AFDN: variants seen among roughly 807,000 people sequenced by gnomAD.
The protein encoded by AFDN is afadin, adherens junction formation factor, also known as afadin.
A neutral mutation model predicts 216.6 loss-of-function variants in AFDN; 68 were observed. The observed-to-expected ratio is 0.31, with a 90% CI of 0.26 to 0.38. The LOEUF is 0.38. Ranked by LOEUF, AFDN falls within the 10% of genes least tolerant of loss-of-function variation. The probability of loss-of-function intolerance (pLI) is 1.00; values close to 1 mark genes in which losing one functional copy is unlikely to be tolerated. For missense variants in AFDN, 2,136 were observed against 2,342.0 expected (o/e 0.91, Z 1.82); for synonymous variants, 868 against 853.7 (o/e 1.02, Z -0.29).
chr6:167,962,324 CTGTG>C lies in AFDN; in HGVS notation c.4834-99_4834-96del, dbSNP rs898938916. The C allele has an allele frequency of 1.3e-5, 18 of 1,350,764 alleles. No homozygotes were observed. Among genetic ancestry groups the C allele is most frequent in the South Asian group, 3.5e-5 (2 of 56,504 alleles). 83.7% of individuals were successfully genotyped at this position (1,350,764 alleles called of 1,614,324 possible). ...AACCTGGTATTTTATATTTAACTTT[CTGTG>C]TGTGTGTGTTTGTGTATATGTGTGT... is the stretch of plus-strand genomic sequence containing the variant. On this transcript the variant is annotated intron_variant, in intron 30 of 33. Coordinates refer to ENST00000683244, the MANE Select transcript of AFDN (RefSeq NM_001386888.1). This position sits in a 1 kb window ranked among gnomAD's most constrained non-coding sequence, Gnocchi z 5.2.
intron 19 of AFDN, among the ~76,000 whole-genome samples, chr6:167,916,518 C>T (rs1197548464): frequency 6.6e-6 from 1 of 152,068 alleles, no homozygotes; most frequent in African/African-American, 2.4e-5. Context: ...AATTAACCCT[C>T]AAGAATACAA....
intron 30 of AFDN, among the ~76,000 whole-genome samples, chr6:167,955,812 C>T (rs2128713692): frequency 6.6e-6 from 1 of 152,168 alleles, no homozygotes; most frequent in East Asian, 1.9e-4. Context: ...ATTAACAGCA[C>T]CTCATTATTT....
chr6:167,876,064 T>A (rs545248053), intron 5 of AFDN, among the ~76,000 whole-genome samples: 2 of 152,164 alleles, frequency 1.3e-5, no homozygotes, highest in African/African-American at 4.8e-5. Flanking sequence ...TGAGATGGGA[T>A]CTAAATGAGA....
chr6:167,943,834 A>G (rs1794970584), intron 25 of AFDN, 107 bp from the exon 26 acceptor site: 2 of 945,014 alleles, frequency 2.1e-6, no homozygotes, highest in Non-Finnish European at 3.3e-6. Context: ...TCAAAATAAT[A>G]GATGAAGCTG....
intron 12 of AFDN, among the ~76,000 whole-genome samples, chr6:167,906,130 G>A (rs755648394): frequency 6.6e-6 from 1 of 152,072 alleles, no homozygotes; most frequent in African/African-American, 2.4e-5. Flanking sequence ...AACTCTTATG[G>A]AAGGATTCAT....
rs1562723588 is a variant in AFDN, at chr6:167,946,904, A to AAG, written c.3553+6_3553+7dup. The AAG allele has an allele frequency of 6.2e-7, 1 of 1,606,248 alleles. No homozygotes were observed. Among genetic ancestry groups the AAG allele is most frequent in the South Asian group, 1.1e-5 (1 of 89,078 alleles). ...CCGTTCCAGCCCCAACGTAGCAAGT[A>AAG]AGAGTGACACTTTTTTGCTTCCTAA... is the stretch of plus-strand genomic sequence containing the variant. On this transcript the variant is annotated splice_donor_region_variant and intron_variant, in intron 27 of 33. Coordinates refer to ENST00000683244, the MANE Select transcript of AFDN (RefSeq NM_001386888.1).
intron 12 of AFDN, among the ~76,000 whole-genome samples, chr6:167,904,155 T>C (rs1226811492): frequency 2.0e-5 from 3 of 152,120 alleles, no homozygotes; most frequent in Non-Finnish European, 4.4e-5. Flanking sequence ...TAATGTTAAT[T>C]ATCCACTAAT....
chr6:167,929,925 G>C (rs979276936), intron 23 of AFDN, among the ~76,000 whole-genome samples: 7 of 152,240 alleles, frequency 4.6e-5, no homozygotes, highest in Non-Finnish European at 7.3e-5. Flanking sequence ...AACTTGGCCA[G>C]GCGCCATGGC....
chr6:167,865,203 G>T (rs902342706), intron 2 of AFDN, among the ~76,000 whole-genome samples: 1 of 152,014 alleles, frequency 6.6e-6, no homozygotes, highest in Admixed American at 6.5e-5. Flanking sequence ...TATTCTTTGG[G>T]AATAATTTAG....
chr6:167,957,629 C>T (rs1036852980), intron 30 of AFDN, among the ~76,000 whole-genome samples: 4 of 152,162 alleles, frequency 2.6e-5, no homozygotes, highest in Admixed American at 2.6e-4. Context: ...ATCGCATGGG[C>T]AAATCCAGGA....
At chr6:167,947,780 A>C in intron 27 of AFDN, 73 bp from the exon 28 acceptor site, 1 of 953,644 alleles carries the variant, frequency 1.0e-6, no homozygotes, top group Non-Finnish European at 1.6e-6. Context: ...TGAGGTCTTT[A>C]AGGAAATTTC....
chr6:167,848,469 G>A (rs1231324656), intron 1 of AFDN, among the ~76,000 whole-genome samples: 2 of 152,068 alleles, frequency 1.3e-5, no homozygotes, highest in South Asian at 2.1e-4. Context: ...TCTGTTGTCC[G>A]TATTCTATCT....
In AFDN at chr6:167,887,263, A is replaced by G. The variant is rs1038470118; in HGVS notation, c.898-1952A>G. ...CGGGGTTTTAAAGTTATAAAAGCCT[A>G]TCTTGGGATTTTATTGACAGTCCCT... On this transcript the variant is annotated intron_variant, in intron 6 of 33. Coordinates refer to ENST00000683244, the MANE Select transcript of AFDN (RefSeq NM_001386888.1). 5.9e-5 allele frequency among the ~76,000 whole-genome samples: 9 copies of G among 152,142 alleles called. No individual in the cohort carries two copies. In the South Asian group the frequency reaches 6.2e-4, roughly 10 times the overall value.
chr6:167,872,081 C>G, intron 3 of AFDN, 133 bp from the exon 4 acceptor site: 1 of 816,612 alleles, frequency 1.2e-6, no homozygotes, highest in Non-Finnish European at 2.0e-6. Context: ...ATTCTCATTA[C>G]TCCAGACCTT....
rs763516835 is a variant in AFDN at position 167,875,430 on chromosome 6, G to A, written c.674G>A (p.Arg225Gln). 8.7e-6 allele frequency: 14 copies of A among 1,613,798 alleles called. No individual in the cohort carries two copies. Among genetic ancestry groups the A allele is most frequent in the East Asian group, 2.2e-5 (1 of 44,890 alleles). The change falls in exon 5 of 34, where the codon CGG (arginine) becomes CAG (glutamine). Residue 225 changes from arginine (R) to glutamine (Q), a missense_variant. Around this residue, in one of 8 missense-constraint regions of AFDN, gnomAD observed 817 missense variants for 965.7 expected, o/e 0.85. Transcript: ENST00000683244. ...AATCCTGAGGTGGTTATGAAACGAC[G>A]GAGGCAGCAAAAATTGGAAAAGAGA... is the stretch of plus-strand genomic sequence containing the variant. ...ISNPEVVMKR[R>Q]RQQKLEKRMQ...
At position 167,969,852 on chromosome 6, in the gene AFDN, T is replaced by C; in HGVS notation, c.5413T>C (p.Phe1805Leu). The C allele has an allele frequency of 1.9e-6, 3 of 1,613,376 alleles. No individual in the cohort carries two copies. Among genetic ancestry groups the C allele is most frequent in the Non-Finnish European group, 2.5e-6 (3 of 1,179,754 alleles). ...NLTFKERQRL[F>L]SQGQDVSNKV... ...GACATTCAAGGAACGCCAGCGTCTT[T>C]TTTCACAAGGTCAAGATGTATCCAA... The change falls in exon 34 of 34, where the codon TTT becomes CTT. Residue 1805 changes from phenylalanine to leucine, a missense_variant. By Grantham distance (22) the Phe-to-Leu change is conservative. This residue lies in a region of AFDN where 981 missense variants were observed against 966.0 expected (regional missense o/e 1.02). Transcript: ENST00000683244.
At position 167,827,217 on chromosome 6, in the gene AFDN, G is replaced by T; in HGVS notation, c.85G>T (p.Glu29Ter). 2 of 1,238,244 alleles carry T rather than the reference G, an allele frequency of 1.6e-6. No homozygotes were observed. The highest frequency in any genetic ancestry group is 1.5e-5 in the South Asian group (1 of 68,434). The allele number at this position is 1,238,244 out of a possible 1,614,324, so 76.7% of individuals were successfully genotyped here. Reference protein sequence around the residue: ...HWNANRLDLFEISQPTEDLEF... With the variant: ...HWNANRLDLF Reference sequence around the variant, plus strand: ...GAACGCCAACCGGCTGGACCTGTTCGAGATCAGCCAGCCGACCGAGGTGAG... The same window carrying T: ...GAACGCCAACCGGCTGGACCTGTTCTAGATCAGCCAGCCGACCGAGGTGAG... The change falls in exon 1 of 34, where the codon GAG becomes TAG. Residue 29 changes from glutamate (E) to a stop codon, truncating the protein, a stop_gained. Transcript: ENST00000683244. LOFTEE classifies it high-confidence loss of function.
At chr6:167,902,112 A>G (rs1341927214) in intron 11 of AFDN, among the ~76,000 whole-genome samples, 1 of 148,766 alleles carries the variant, frequency 6.7e-6, no homozygotes, top group East Asian at 2.0e-4. Context: ...AAAAAAAAAA[A>G]GATACTGGGA....
At position 167,951,872 on chromosome 6, in the gene AFDN, A is replaced by G; in HGVS notation, c.4518A>G (p.Thr1506=). 2 of 1,614,098 alleles carry G rather than the reference A, an allele frequency of 1.2e-6. No homozygotes were observed. Among genetic ancestry groups the G allele is most frequent in the Non-Finnish European group, 1.7e-6 (2 of 1,180,004 alleles). The change falls in exon 30 of 34, where the codon ACA becomes ACG. Residue 1506 remains threonine, a synonymous_variant. Transcript: ENST00000683244. The surrounding 1 kb of genome is among the most constrained non-coding windows in gnomAD (Gnocchi z 7.1). ...AGCGCAGAGACTTGCAGTACATTAC[A>G]GTCAGCAAAGAGGAGCTTTCCTCGG... ...TIERRDLQYI[T]VSKEELSSGD...
Sources: gnomAD v4.1 joint callset for allele counts (sites outside exome capture counted in the v4.1 genomes callset) on GRCh38, gnomAD v4.1.1 for gene constraint, gnomAD v4.1.1 regional missense constraint, Gnocchi (gnomAD v3.1) non-coding constraint, MANE v1.5 for transcripts, NCBI Gene and HGNC (gene_info 2026-07-23, HGNC 2026-07-21) for gene names.